Variants in DIP2B observed in about 807,000 individuals in gnomAD.
The protein encoded by DIP2B is disco-interacting protein 2 homolog B.
DIP2B carries 76 observed loss-of-function variants against 198.0 expected under a neutral mutation model. The ratio of observed to expected loss-of-function variants is 0.38; its 90% CI spans 0.32 to 0.46. The LOEUF (loss-of-function observed/expected upper bound fraction) is 0.46, where lower values mean the gene tolerates loss of function less well. Among genes scored for constraint, DIP2B ranks in the 20% least tolerant of loss-of-function variants. The probability of loss-of-function intolerance (pLI) is 0.99; values close to 1 mark genes in which losing one functional copy is unlikely to be tolerated. For missense variants in DIP2B, 1,559 were observed against 1,978.4 expected, an observed-to-expected ratio of 0.79 and a Z score of 4.02; for synonymous variants, 701 against 739.1, an observed-to-expected ratio of 0.95 and a Z score of 0.84.
At chr12:50,623,099 A>T (rs1937846927) in intron 1 of DIP2B, among the ~76,000 whole-genome samples, 1 of 152,122 alleles carries the variant, frequency 6.6e-6, no homozygotes, top group Admixed American at 6.6e-5. Context: ...TAAAGTATAT[A>T]AAACAGGCCA....
At chr12:50,609,638 A>G (rs1203306849) in intron 1 of DIP2B, among the ~76,000 whole-genome samples, 2 of 152,238 alleles carry the variant, frequency 1.3e-5, no homozygotes, top group African/African-American at 4.8e-5. Context: ...TTCTGTTGAT[A>G]TCACATTGGC....
At chr12:50,577,128 G>C (rs1029620098) in intron 1 of DIP2B, among the ~76,000 whole-genome samples, 1 of 152,110 alleles carries the variant, frequency 6.6e-6, no homozygotes, top group African/African-American at 2.4e-5. Context: ...TTAACTTCTT[G>C]TTCTTTATCT....
intron 1 of DIP2B, among the ~76,000 whole-genome samples, chr12:50,619,955 G>A (rs1265010348): frequency 6.6e-6 from 1 of 152,178 alleles, no homozygotes; most frequent in Admixed American, 6.5e-5. Context: ...CAGATACTCA[G>A]GAGGCTGAGG....
intron 19 of DIP2B, among the ~76,000 whole-genome samples, chr12:50,703,623 C>G (rs540861820): frequency 6.6e-6 from 1 of 152,240 alleles, no homozygotes; most frequent in East Asian, 1.9e-4. Context: ...TTAATCTTTA[C>G]TCCAAGCCTG....
intron 4 of DIP2B, among the ~76,000 whole-genome samples, chr12:50,670,172 T>G (rs1938826391): frequency 1.6e-5 from 2 of 126,170 alleles, no homozygotes; most frequent in South Asian, 5.8e-4. Context: ...TTTAGGCCTA[T>G]TTTCCTGAAG....
chr12:50,523,042 AGACAT>A (rs957276375), intron 1 of DIP2B, among the ~76,000 whole-genome samples: 7 of 152,206 alleles, frequency 4.6e-5, no homozygotes, highest in Admixed American at 4.6e-4. Context: ...ATTGTAAGAA[AGACAT>A]AAGATCTGTA....
chr12:50,742,511 A>C (rs942147805), intron 37 of DIP2B, among the ~76,000 whole-genome samples: 6 of 151,366 alleles, frequency 4.0e-5, no homozygotes, highest in Admixed American at 2.6e-4. Context: ...TATTTTAGTG[A>C]ATATGTCCTT....
intron 3 of DIP2B, among the ~76,000 whole-genome samples, chr12:50,642,332 G>A (rs993706766): frequency 3.9e-5 from 6 of 152,176 alleles, no homozygotes; most frequent in African/African-American, 1.2e-4. Flanking sequence ...CAGATCTTGT[G>A]GGATCTTGAA....
At chr12:50,534,623 C>T (rs1475658442) in intron 1 of DIP2B, among the ~76,000 whole-genome samples, 2 of 151,956 alleles carry the variant, frequency 1.3e-5, no homozygotes, top group South Asian at 4.1e-4. Flanking sequence ...CTCGGCCTCC[C>T]AAAGTGCTGG....
At position 50,505,051 on chromosome 12, in the gene DIP2B, C is replaced by T; in HGVS notation, c.-90C>T. The T allele has an allele frequency of 8.0e-7, 1 of 1,252,072 alleles. No individual in the cohort carries two copies. The highest frequency in any genetic ancestry group is 1.1e-6 in the Non-Finnish European group (1 of 908,480). 77.6% of individuals were successfully genotyped at this position (1,252,072 alleles called of 1,614,324 possible). ...GCTGGTGGTGCTCGGCGGCCGGAGC[C>T]GGATCCTGTAGCCGGGTGTGGGCCC... On this transcript the variant is annotated 5_prime_UTR_variant, in exon 1 of 38. Coordinates refer to ENST00000301180, the MANE Select transcript of DIP2B (RefSeq NM_173602.3).
chr12:50,655,328 G>A (rs1290091331), intron 3 of DIP2B, among the ~76,000 whole-genome samples: 1 of 152,208 alleles, frequency 6.6e-6, no homozygotes. Context: ...GCTTATTTGT[G>A]TAAACAATAG....
At chr12:50,571,547 CGT>C (rs1707459342) in intron 1 of DIP2B, among the ~76,000 whole-genome samples, 1 of 101,440 alleles carries the variant, frequency 9.9e-6, no homozygotes, top group African/African-American at 4.1e-5. Context: ...GAAACCTAGG[CGT>C]TTTTTTTTTT....
chr12:50,554,115 A>G (rs1477183924), intron 1 of DIP2B, among the ~76,000 whole-genome samples: 1 of 152,088 alleles, frequency 6.6e-6, no homozygotes, highest in Non-Finnish European at 1.5e-5. Context: ...TCTCTTCCCC[A>G]AAGATAACCT....
chr12:50,573,480 C>T (rs1958633015), intron 1 of DIP2B, among the ~76,000 whole-genome samples: 2 of 152,104 alleles, frequency 1.3e-5, no homozygotes, highest in Admixed American at 1.3e-4. Flanking sequence ...GTGTTTATTA[C>T]AACCCAGTCT....
chr12:50,632,780 G>T (rs894075697), intron 2 of DIP2B, among the ~76,000 whole-genome samples: 45 of 151,692 alleles, frequency 3.0e-4, no homozygotes, highest in African/African-American at 1.0e-3. Flanking sequence ...CAAGTAATCC[G>T]CCTCCCTTCT....
At chr12:50,678,385 A>C (rs1191296678) in intron 7 of DIP2B, among the ~76,000 whole-genome samples, 1 of 152,182 alleles carries the variant, frequency 6.6e-6, no homozygotes, top group African/African-American at 2.4e-5. Flanking sequence ...TTTGCTAAAA[A>C]TTGTGAAATT....
intron 1 of DIP2B, among the ~76,000 whole-genome samples, chr12:50,527,233 C>T (rs1270495714): frequency 6.6e-6 from 1 of 152,136 alleles, no homozygotes; most frequent in Non-Finnish European, 1.5e-5. Flanking sequence ...TCAGTTTATT[C>T]TAGTTTATGC....
intron 20 of DIP2B, among the ~76,000 whole-genome samples, chr12:50,706,249 T>A (rs916918960): frequency 2.0e-5 from 3 of 152,196 alleles, no homozygotes; most frequent in African/African-American, 7.2e-5. Flanking sequence ...TCAGCTATGC[T>A]TGGGTGGAAT....
chr12:50,742,420 A>AAAAAAC (rs1940266865), intron 37 of DIP2B, among the ~76,000 whole-genome samples: 1 of 77,590 alleles, frequency 1.3e-5, no homozygotes, highest in African/African-American at 3.7e-5. Context: ...AAAAAAAAAA[A>AAAAAAC]AACCACCTCT....
Sources: allele counts gnomAD v4.1 joint callset (sites outside exome capture counted in the v4.1 genomes callset), GRCh38; gene constraint gnomAD v4.1.1; transcripts MANE v1.5; gene names NCBI Gene and HGNC (gene_info 2026-07-23, HGNC 2026-07-21).